COL4A3: variants seen among roughly 807,000 people sequenced by gnomAD.
COL4A3 encodes the protein collagen type IV alpha 3 chain, also known as collagen alpha-3(IV) chain.
Under a neutral mutation model 217.4 loss-of-function variants are expected in COL4A3, and 135 were observed. The ratio of observed to expected loss-of-function variants is 0.62; its 90% CI spans 0.54 to 0.72. COL4A3 has a LOEUF of 0.72. Among genes scored for constraint, COL4A3 ranks in the 30% least tolerant of loss-of-function variants. The probability of loss-of-function intolerance (pLI) is 0.00; values close to 1 mark genes in which losing one functional copy is unlikely to be tolerated. For synonymous variants in COL4A3, 690 were observed against 736.3 expected, an observed-to-expected ratio of 0.94 and a Z score of 1.02; for missense variants, 1,868 against 2,119.9, an observed-to-expected ratio of 0.88 and a Z score of 2.33.
chr2:227,191,240 G>A lies in COL4A3; in HGVS notation c.87+26427G>A, dbSNP rs2066228841. On this transcript the variant is annotated intron_variant, in intron 1 of 51. Transcript: ENST00000396578. The surrounding 1 kb of genome is among the most constrained non-coding windows in gnomAD (Gnocchi z 6.8). The stretch of plus-strand genomic sequence containing the variant: ...GCTATGATCATGCCAATGACACTCT[G>A]CTTGATTTGGAAGTACATTCCTCGT... Among the ~76,000 whole-genome samples, 1 of 151,804 alleles carries A rather than the reference G, an allele frequency of 6.6e-6. No individual in the cohort carries two copies. The highest frequency in any genetic ancestry group is 1.5e-5 in the Non-Finnish European group (1 of 67,992).
At chr2:227,246,551 C>T in intron 6 of COL4A3, 134 bp from the exon 7 acceptor site, 1 of 730,324 alleles carries the variant, frequency 1.4e-6, no homozygotes, top group East Asian at 2.7e-5. Context: ...CCTCATGACC[C>T]AGTAGCCATA....
chr2:227,277,371 G>T, intron 27 of COL4A3, 78 bp from the exon 28 acceptor site: 2 of 867,384 alleles, frequency 2.3e-6, no homozygotes, highest in Non-Finnish European at 3.8e-6. Flanking sequence ...ACGACACAGA[G>T]AACTTAGACA....
chr2:227,277,742 G>T (rs1387645503), intron 28 of COL4A3, among the ~76,000 whole-genome samples, 189 bp downstream of exon 28: 2 of 152,154 alleles, frequency 1.3e-5, no homozygotes, highest in African/African-American at 4.8e-5. Context: ...GCTAATGCCT[G>T]TAATCCCAGC....
chr2:227,251,508 G>A, intron 11 of COL4A3, 137 bp downstream of exon 11: 1 of 753,250 alleles, frequency 1.3e-6, no homozygotes, highest in Non-Finnish European at 2.3e-6. Flanking sequence ...GGAAGAGCAT[G>A]GCTAGCTGCT....
At chr2:227,301,565 A>T (rs1232772865) in intron 43 of COL4A3, among the ~76,000 whole-genome samples, 2 of 152,200 alleles carry the variant, frequency 1.3e-5, no homozygotes, top group Non-Finnish European at 2.9e-5. Flanking sequence ...TGCCAATTTG[A>T]TCCATGATTA....
At chr2:227,276,206 C>T (rs1031982013) in intron 26 of COL4A3, among the ~76,000 whole-genome samples, 179 bp from the exon 27 acceptor site, 2 of 152,196 alleles carry the variant, frequency 1.3e-5, no homozygotes, top group Non-Finnish European at 1.5e-5. Context: ...TTTGTTGATT[C>T]AATAAGAAAG....
In COL4A3 at chr2:227,280,927, AG is replaced by A; in HGVS notation, c.2411del (p.Gly804AspfsTer7). ...GGCAGCCTGGACCACCTGGAGAACAAGGACCCCCAGGAAGGTGCATAGAGGG... is the reference window on the plus strand; with the variant it reads ...GGCAGCCTGGACCACCTGGAGAACAAGACCCCCAGGAAGGTGCATAGAGGG... ...PGQPGPPGEQ[G>X]PPGRCIEGPR... On this transcript the variant is annotated frameshift_variant, in exon 31 of 52. Transcript: ENST00000396578. LOFTEE classifies it high-confidence loss of function. The A allele has an allele frequency of 6.4e-7, 1 of 1,563,620 alleles. No homozygotes were observed. Among genetic ancestry groups the A allele is most frequent in the Non-Finnish European group, 8.7e-7 (1 of 1,153,406 alleles).
chr2:227,295,775 C>T lies in COL4A3; in HGVS notation c.3565+459C>T, dbSNP rs982522956. On this transcript the variant is annotated intron_variant, in intron 41 of 51. Coordinates refer to ENST00000396578, the MANE Select transcript of COL4A3 (RefSeq NM_000091.5). ...GGTCCATGCTATTGTTTATTAAAGG[C>T]GACCCAGAGAGTCTCTCAACATCTC... Among the ~76,000 whole-genome samples, 6 of 152,124 alleles carry T rather than the reference C, an allele frequency of 3.9e-5. No individual in the cohort carries two copies. In the South Asian group the frequency reaches 8.3e-4, roughly 21 times the overall value.
chr2:227,310,883 G>A lies in COL4A3; in HGVS notation c.4863G>A (p.Thr1621=), dbSNP rs960060481. The stretch of plus-strand genomic sequence containing the variant: ...TTCTAGAATGTCATGGAAGAGGAAC[G>A]TGCAACTACTATTCAAATTCCTACA... ...SPFLECHGRG[T]CNYYSNSYSF... Residue 1621 remains threonine, a synonymous_variant, in exon 51 of 52, where the codon ACG becomes ACA. Transcript: ENST00000396578. The A allele has an allele frequency of 6.8e-6, 11 of 1,614,114 alleles. No individual in the cohort carries two copies. The highest frequency in any genetic ancestry group is 4.5e-5 in the East Asian group (2 of 44,878).
chr2:227,253,676 C>T lies in COL4A3; in HGVS notation c.765+38C>T, dbSNP rs374326623. ...TTTTATGATTAGTGTTGTGCCTTCC[C>T]GTGTCTAGGATGAAGTCCTTGTGAC... On this transcript the variant is annotated intron_variant, in intron 13 of 51. Transcript: ENST00000396578. The surrounding 1 kb of genome is among the most constrained non-coding windows in gnomAD (Gnocchi z 4.4). 1.7e-5 allele frequency: 26 copies of T among 1,545,036 alleles called. No individual in the cohort carries two copies. The highest frequency in any genetic ancestry group is 4.5e-5 in the South Asian group (4 of 89,762).
chr2:227,187,298 G>A (rs897867261), intron 1 of COL4A3, among the ~76,000 whole-genome samples: 3 of 152,192 alleles, frequency 2.0e-5, no homozygotes, highest in African/African-American at 7.2e-5. Context: ...GAGGATGAGG[G>A]TGAGGATGGG....
chr2:227,303,176 A>G, intron 44 of COL4A3, 66 bp downstream of exon 44: 2 of 1,401,462 alleles, frequency 1.4e-6, no homozygotes, highest in South Asian at 2.3e-5. Flanking sequence ...TTTAGGGCAC[A>G]CAAGTGTTTG....
intron 9 of COL4A3, among the ~76,000 whole-genome samples, chr2:227,248,767 CTCT>C (rs1399101486): frequency 2.0e-5 from 3 of 152,024 alleles, no homozygotes; most frequent in African/African-American, 7.3e-5. Context: ...GTTTTTCGTC[CTCT>C]TCTTCACTCT....
At chr2:227,202,921 ATGTGTATATATGTGTATATATG>A (rs2066797958) in intron 1 of COL4A3, among the ~76,000 whole-genome samples, 1 of 31,842 alleles carries the variant, frequency 3.1e-5, no homozygotes, top group African/African-American at 2.0e-4. Context: ...ATATACATAT[ATGTGTATATATGTGTATATATG>A]TGTATATATA....
At chr2:227,222,964 C>T (rs979939082) in intron 1 of COL4A3, among the ~76,000 whole-genome samples, 1 of 152,236 alleles carries the variant, frequency 6.6e-6, no homozygotes, top group Admixed American at 6.5e-5. Context: ...CAAGTGACAT[C>T]ATCTAATTCG....
intron 37 of COL4A3, chr2:227,291,184 TG>T: frequency 2.6e-6 from 1 of 388,218 alleles, no homozygotes; most frequent in South Asian, 2.5e-5. Flanking sequence ...GATAGGACAG[TG>T]GGTTTTTTCT....
At position 227,282,197 on chromosome 2, in the gene COL4A3, G is replaced by C. The variant is rs181042438; in HGVS notation, c.2489-168G>C. On this transcript the variant is annotated intron_variant, in intron 31 of 51. Transcript: ENST00000396578. The surrounding 1 kb of genome is among the most constrained non-coding windows in gnomAD (Gnocchi z 4.4). ...TGACGCAGGAGAATCACTTGAACCA[G>C]GGAGGCGGAGGGTACAGTGAGCCGA... is the stretch of plus-strand genomic sequence containing the variant. 2.0e-5 allele frequency among the ~76,000 whole-genome samples: 3 copies of C among 151,826 alleles called. No homozygotes were observed. Among genetic ancestry groups the C allele is most frequent in the East Asian group, 3.9e-4 (2 of 5,168 alleles).
chr2:227,246,911 G>T, intron 7 of COL4A3, 173 bp downstream of exon 7: 1 of 732,672 alleles, frequency 1.4e-6, no homozygotes, highest in Non-Finnish European at 2.5e-6. Context: ...ATGAGTGTAG[G>T]ATTAGAGGTT....
chr2:227,182,083 A>G (rs1043246114), intron 1 of COL4A3, among the ~76,000 whole-genome samples: 1 of 152,192 alleles, frequency 6.6e-6, no homozygotes, highest in African/African-American at 2.4e-5. Context: ...CAATTTTCTC[A>G]GCATTACTTC....
Sources: gnomAD v4.1 joint callset for allele counts (sites outside exome capture counted in the v4.1 genomes callset) on GRCh38, gnomAD v4.1.1 for gene constraint, Gnocchi (gnomAD v3.1) non-coding constraint, MANE v1.5 for transcripts, NCBI Gene and HGNC (gene_info 2026-07-23, HGNC 2026-07-21) for gene names.